CORIN: variants seen among roughly 807,000 people sequenced by gnomAD.
The protein encoded by CORIN is atrial natriuretic peptide-converting enzyme.
A neutral mutation model predicts 125.3 loss-of-function variants in CORIN; 117 were observed. That is an observed-to-expected ratio of 0.93 (90% CI 0.80 to 1.09). The LOEUF (loss-of-function observed/expected upper bound fraction) is 1.09. Among genes scored for constraint, CORIN ranks in the 50% least tolerant of loss-of-function variants. The pLI, the probability that CORIN is intolerant of heterozygous loss-of-function variation, is 0.00. For synonymous variants in CORIN, 450 were observed against 466.4 expected (o/e 0.96, Z 0.45); for missense variants, 1,253 against 1,306.7 (o/e 0.96, Z 0.63).
intron 12 of CORIN, among the ~76,000 whole-genome samples, chr4:47,653,978 G>A (rs760073121): frequency 2.6e-5 from 4 of 152,262 alleles, no homozygotes; most frequent in East Asian, 1.9e-4. Flanking sequence ...ACTACCTAGC[G>A]GCTCTCAATG....
At chr4:47,651,594 A>C (rs909787239) in intron 13 of CORIN, among the ~76,000 whole-genome samples, 1 of 152,244 alleles carries the variant, frequency 6.6e-6, no homozygotes, top group Non-Finnish European at 1.5e-5. Context: ...ACTTCTCATA[A>C]ATTAGTACTG....
At chr4:47,741,370 A>G (rs1472388116) in intron 5 of CORIN, among the ~76,000 whole-genome samples, 1 of 152,072 alleles carries the variant, frequency 6.6e-6, no homozygotes. Context: ...CAAACTGCAA[A>G]TCAAAACCAC....
chr4:47,815,531 A>G (rs1232795361), intron 1 of CORIN, among the ~76,000 whole-genome samples: 1 of 152,170 alleles, frequency 6.6e-6, no homozygotes, highest in African/African-American at 2.4e-5. Flanking sequence ...CATTATCCAG[A>G]CAAGATAGAT....
chr4:47,618,100 C>T (rs1161175797), intron 19 of CORIN, among the ~76,000 whole-genome samples: 4 of 151,724 alleles, frequency 2.6e-5, no homozygotes, highest in Non-Finnish European at 5.9e-5. Context: ...TTTGGGAGGC[C>T]GAGGTGGGTG....
At chr4:47,673,964 G>A (rs982947184) in intron 10 of CORIN, among the ~76,000 whole-genome samples, 5 of 151,502 alleles carry the variant, frequency 3.3e-5, no homozygotes, top group African/African-American at 1.2e-4. Context: ...GAGTGAGAGT[G>A]TGTCTCAAAA....
rs1350309277 is a variant in CORIN at position 47,664,977 on chromosome 4, C to G, written c.1589+55G>C. On this transcript the variant is annotated intron_variant, in intron 11 of 21. Coordinates refer to ENST00000273857, the MANE Select transcript of CORIN (RefSeq NM_006587.4). ...TGTCCAAACTCAACTAAGTCTTCAC[C>G]CCTTGGTTCTCTCTGAGGCAAAATA... 8 of 1,210,442 alleles carry G rather than the reference C, an allele frequency of 6.6e-6. No homozygotes were observed. In the African/African-American group the frequency reaches 9.1e-5, roughly 14 times the overall value. 75.0% of individuals were successfully genotyped at this position (1,210,442 alleles called of 1,614,324 possible). A position where few individuals can be genotyped will look rare whatever the true frequency, so the allele number is the denominator to read the frequency against.
intron 14 of CORIN, among the ~76,000 whole-genome samples, chr4:47,644,020 G>A (rs1462538670): frequency 3.3e-5 from 5 of 152,202 alleles, no homozygotes; most frequent in Admixed American, 6.5e-5. Context: ...GCTGTGCCAT[G>A]TGCCCTAGCC....
In CORIN at chr4:47,732,087, A is replaced by G. The variant is rs563397829; in HGVS notation, c.799+12315T>C. On this transcript the variant is annotated intron_variant, in intron 5 of 21. Transcript: ENST00000273857. ...AGATAGATTTAAGAATCATCAGTGC[A>G]TATGTGGCTATAAGCAAATATGAGA... 2.6e-5 allele frequency among the ~76,000 whole-genome samples: 4 copies of G among 152,284 alleles called. No individual in the cohort carries two copies. In the South Asian group the frequency reaches 6.2e-4, roughly 24 times the overall value.
Position 47,661,900 on chromosome 4 carries a change from C to G in CORIN, c.1590-44G>C, listed in dbSNP as rs764023418. On this transcript the variant is annotated intron_variant, in intron 11 of 21. Coordinates refer to ENST00000273857, the MANE Select transcript of CORIN (RefSeq NM_006587.4). Reference sequence around the variant, plus strand: ...CAAAACATTAGAAGCAGAAATAGCTCCATCTGAGACAGATGTCATAAATTT... The same window carrying G: ...CAAAACATTAGAAGCAGAAATAGCTGCATCTGAGACAGATGTCATAAATTT... 7.2e-6 allele frequency: 11 copies of G among 1,534,262 alleles called. No individual in the cohort carries two copies. In the Admixed American group the frequency reaches 1.9e-4, roughly 27 times the overall value.
chr4:47,632,820 C>A (rs1351621450), intron 16 of CORIN, among the ~76,000 whole-genome samples: 1 of 151,060 alleles, frequency 6.6e-6, no homozygotes, highest in East Asian at 1.9e-4. Flanking sequence ...CACTCTGTCG[C>A]CCAGGCTGGA....
chr4:47,600,010 G>C (rs946875045), intron 21 of CORIN, among the ~76,000 whole-genome samples: 2 of 152,218 alleles, frequency 1.3e-5, no homozygotes, highest in Non-Finnish European at 2.9e-5. Context: ...ACAGTAGAAG[G>C]CACCCTGAAT....
At position 47,600,251 on chromosome 4, in the gene CORIN, C is replaced by T; in HGVS notation, c.2909G>A (p.Cys970Tyr). The stretch of plus-strand genomic sequence containing the variant: ...AACTGTGCCAGACTCATAGCCAGCA[C>T]ATATCATCCGAGTGGTGATGGTCTT... ...DMKTITTRMI[C>Y]AGYESGTVDS... The change falls in exon 21 of 22, where the codon TGT (cysteine) becomes TAT (tyrosine). Residue 970 changes from cysteine to tyrosine, a missense_variant. Physicochemically the swap from Cys to Tyr is radical, Grantham distance 194 (BLOSUM62 -2). Transcript: ENST00000273857. 1 of 1,613,872 alleles carries T rather than the reference C, an allele frequency of 6.2e-7. No homozygotes were observed. The highest frequency in any genetic ancestry group is 8.5e-7 in the Non-Finnish European group (1 of 1,179,870).
At chr4:47,692,918 G>A in intron 6 of CORIN, 52 bp downstream of exon 6, 1 of 1,338,966 alleles carries the variant, frequency 7.5e-7, no homozygotes. Flanking sequence ...TGATTGTCAG[G>A]ATTTGAGAAT....
At position 47,595,514 on chromosome 4, in the gene CORIN, ATTGAAC is replaced by A; in HGVS notation, c.*201_*206del. ...TTTGTTTGCTTTTGTAAAGTCTTTC[ATTGAAC>A]TTGAAATAAGAGAAAAATGAAGGTG... On this transcript the variant is annotated 3_prime_UTR_variant, in exon 22 of 22. Coordinates refer to ENST00000273857, the MANE Select transcript of CORIN (RefSeq NM_006587.4). The A allele has an allele frequency of 2.6e-6, 1 of 390,484 alleles. No individual in the cohort carries two copies. Among genetic ancestry groups the A allele is most frequent in the East Asian group, 4.0e-5 (1 of 25,294 alleles). 24.2% of individuals were successfully genotyped at this position (390,484 alleles called of 1,614,324 possible). A position where few individuals can be genotyped will look rare whatever the true frequency, so the allele number is the denominator to read the frequency against.
intron 1 of CORIN, among the ~76,000 whole-genome samples, chr4:47,810,420 A>T (rs137988767): frequency 1.3e-5 from 2 of 152,278 alleles, no homozygotes; most frequent in African/African-American, 4.8e-5. Context: ...TCTGGGCTCA[A>T]GTGATCCACC....
intron 20 of CORIN, among the ~76,000 whole-genome samples, chr4:47,600,692 G>C (rs1721418079): frequency 6.6e-6 from 1 of 152,156 alleles, no homozygotes; most frequent in South Asian, 2.1e-4. Flanking sequence ...AGCTCTGCTG[G>C]CTGCCAGATA....
At chr4:47,611,224 T>C (rs1721854488) in intron 19 of CORIN, among the ~76,000 whole-genome samples, 1 of 152,252 alleles carries the variant, frequency 6.6e-6, no homozygotes, top group South Asian at 2.1e-4. Flanking sequence ...TTCCTATCCA[T>C]GAGCATGGAA....
Position 47,754,735 on chromosome 4 carries a change from G to C in CORIN, c.617+8644C>G, listed in dbSNP as rs116171938. ...TAGCTGAGAAACTGAGATTTGCACT[G>C]AAGAGAAACAGGACTTCAGGTAGCA... On this transcript the variant is annotated intron_variant, in intron 4 of 21. Transcript: ENST00000273857. 1.4e-3 allele frequency among the ~76,000 whole-genome samples: 220 copies of C among 152,162 alleles called. 1 individual carries two copies. Among genetic ancestry groups the C allele is most frequent in the African/African-American group, 5.1e-3 (213 of 41,520 alleles).
intron 10 of CORIN, 48 bp downstream of exon 10, chr4:47,674,345 A>AATGC: frequency 7.9e-7 from 1 of 1,264,160 alleles, no homozygotes; most frequent in Non-Finnish European, 1.2e-6. Context: ...AAAAATGCTG[A>AATGC]ATGCATGCCC....
Sources: allele counts gnomAD v4.1 joint callset (sites outside exome capture counted in the v4.1 genomes callset), GRCh38; gene constraint gnomAD v4.1.1; transcripts MANE v1.5; gene names NCBI Gene and HGNC (gene_info 2026-07-23, HGNC 2026-07-21).